The following ALDH1A2 variants were observed in gnomAD, a reference collection of about 807,000 sequenced individuals.
The protein encoded by ALDH1A2 is aldehyde dehydrogenase 1 family member A2.
ALDH1A2 carries 27 observed loss-of-function variants against 60.3 expected under a neutral mutation model. The ratio of observed to expected loss-of-function variants is 0.45; its 90% CI spans 0.33 to 0.62. The LOEUF (loss-of-function observed/expected upper bound fraction) is 0.62. Ranked by LOEUF, ALDH1A2 falls within the 20% of genes least tolerant of loss-of-function variation. The probability of loss-of-function intolerance (pLI) is 0.02; values close to 1 mark genes in which losing one functional copy is unlikely to be tolerated. For missense variants in ALDH1A2, 581 were observed against 643.8 expected, an observed-to-expected ratio of 0.90 and a Z score of 1.06; for synonymous variants, 289 against 232.4, an observed-to-expected ratio of 1.24 and a Z score of -2.21.
intron 1 of ALDH1A2, among the ~76,000 whole-genome samples, chr15:58,054,673 A>C (rs1896852464): frequency 6.6e-6 from 1 of 152,148 alleles, no homozygotes; most frequent in South Asian, 2.1e-4. Context: ...AAAGAATGTA[A>C]AATATATTAT....
At chr15:58,058,024 T>C (rs1010212318) in intron 1 of ALDH1A2, 3 of 1,512,664 alleles carry the variant, frequency 2.0e-6, no homozygotes, top group Non-Finnish European at 2.7e-6. Flanking sequence ...GTTTCAGTTT[T>C]ATTGGGGATT....
intron 7 of ALDH1A2, among the ~76,000 whole-genome samples, chr15:57,972,993 G>A (rs533039488): frequency 6.6e-6 from 1 of 152,224 alleles, no homozygotes; most frequent in African/African-American, 2.4e-5. Context: ...TCTCACTTAG[G>A]AAATAAAAGA....
chr15:57,997,749 C>T (rs1449862638), intron 4 of ALDH1A2, among the ~76,000 whole-genome samples: 1 of 151,906 alleles, frequency 6.6e-6, no homozygotes, highest in African/African-American at 2.4e-5. Flanking sequence ...GAGTTTGACT[C>T]CATAATTGTG....
intron 1 of ALDH1A2, among the ~76,000 whole-genome samples, chr15:58,055,902 G>GA (rs1555406461): frequency 2.0e-5 from 3 of 151,708 alleles, no homozygotes; most frequent in Admixed American, 2.0e-4. Context: ...CAAAAAAAAG[G>GA]TCTTTTAGAA....
chr15:57,994,929 G>A (rs1283579026), intron 5 of ALDH1A2, 149 bp downstream of exon 5: 12 of 780,444 alleles, frequency 1.5e-5, no homozygotes, highest in South Asian at 4.2e-5. Flanking sequence ...CATTTGCAGG[G>A]AGGCTGTTAA....
chr15:58,023,266 T>A (rs751261706), intron 1 of ALDH1A2, among the ~76,000 whole-genome samples: 27 of 152,112 alleles, frequency 1.8e-4, no homozygotes, highest in Admixed American at 1.1e-3. Context: ...TTTGAAATAA[T>A]CCAGTAAAAC....
At chr15:57,981,514 A>G (rs924780483) in intron 7 of ALDH1A2, among the ~76,000 whole-genome samples, 2 of 152,238 alleles carry the variant, frequency 1.3e-5, no homozygotes, top group Admixed American at 1.3e-4. Flanking sequence ...TATGCCAAGC[A>G]ATATGCTTGG....
intron 1 of ALDH1A2, among the ~76,000 whole-genome samples, chr15:58,045,639 C>A (rs1449716485): frequency 6.6e-6 from 1 of 152,048 alleles, no homozygotes; most frequent in African/African-American, 2.4e-5. Context: ...CAAACTAACA[C>A]AAGAACAGAA....
intron 5 of ALDH1A2, 59 bp downstream of exon 5, chr15:57,995,019 G>A: frequency 6.8e-7 from 1 of 1,473,902 alleles, no homozygotes; most frequent in Non-Finnish European, 9.5e-7. Flanking sequence ...TGTTTTATGT[G>A]TCTTTAAGAG....
At chr15:58,013,580 C>T (rs564785657) in intron 3 of ALDH1A2, among the ~76,000 whole-genome samples, 1 of 152,050 alleles carries the variant, frequency 6.6e-6, no homozygotes, top group Non-Finnish European at 1.5e-5. Flanking sequence ...AGTGAAACCC[C>T]GTCTCTACTA....
rs879500544 is a variant in ALDH1A2 at position 58,061,595 on chromosome 15, C to CAAAAAAAAAAAAAAAAAAAAAAAAA, written c.117+3938_117+3939insTTTTTTTTTTTTTTTTTTTTTTTTT. Among the ~76,000 whole-genome samples, 4 of 43,324 alleles carry CAAAAAAAAAAAAAAAAAAAAAAAAA rather than the reference C, an allele frequency of 9.2e-5. 1 individual carries two copies. The highest frequency in any genetic ancestry group is 2.5e-4 in the Admixed American group (1 of 3,964). 28.4% of individuals were successfully genotyped at this position (43,324 alleles called of 152,430 possible). On this transcript the variant is annotated intron_variant, in intron 1 of 12. Coordinates refer to ENST00000249750, the MANE Select transcript of ALDH1A2 (RefSeq NM_003888.4). The stretch of plus-strand genomic sequence containing the variant: ...ATATAAAGATTTAAACTCCTTCCCT[C>CAAAAAAAAAAAAAAAAAAAAAAAAA]AAAAAAAAAAAAAACAAAAAAAAAA...
intron 7 of ALDH1A2, among the ~76,000 whole-genome samples, chr15:57,973,806 G>A (rs1464172868): frequency 3.9e-5 from 6 of 152,212 alleles, no homozygotes; most frequent in Non-Finnish European, 7.3e-5. Flanking sequence ...TCTCTACAGA[G>A]AGAGAAGAAT....
At chr15:58,015,583 T>C (rs1895767972) in intron 1 of ALDH1A2, among the ~76,000 whole-genome samples, 1 of 152,220 alleles carries the variant, frequency 6.6e-6, no homozygotes, top group Admixed American at 6.5e-5. Flanking sequence ...AGATAACTTC[T>C]AGTCACAGGA....
At chr15:58,025,897 G>C (rs775906006) in intron 1 of ALDH1A2, among the ~76,000 whole-genome samples, 7 of 152,126 alleles carry the variant, frequency 4.6e-5, no homozygotes, top group African/African-American at 1.7e-4. Flanking sequence ...AACTCACAGA[G>C]CAAGAACTCA....
In ALDH1A2 at chr15:57,995,060, G is replaced by A; in HGVS notation, c.555+18C>T. 1 of 1,600,920 alleles carries A rather than the reference G, an allele frequency of 6.2e-7. No homozygotes were observed. Among genetic ancestry groups the A allele is most frequent in the South Asian group, 1.1e-5 (1 of 90,762 alleles). ...GGTCAAATGAAAATAAATACGAGGT[G>A]CGAGGAAATACACTCACTGGGATGA... On this transcript the variant is annotated intron_variant, in intron 5 of 12. Coordinates refer to ENST00000249750, the MANE Select transcript of ALDH1A2 (RefSeq NM_003888.4).
At chr15:57,955,350 G>A in intron 12 of ALDH1A2, 81 bp from the exon 13 acceptor site, 1 of 1,443,208 alleles carries the variant, frequency 6.9e-7, no homozygotes. Context: ...CTGGGGAGGT[G>A]CAGTTTATCA....
At chr15:58,039,444 C>A (rs1273246853) in intron 1 of ALDH1A2, among the ~76,000 whole-genome samples, 1 of 151,646 alleles carries the variant, frequency 6.6e-6, no homozygotes, top group Admixed American at 6.6e-5. Flanking sequence ...TGGACAACAC[C>A]CAGAGAGTTC....
chr15:58,021,036 T>C (rs1457582241), intron 1 of ALDH1A2, among the ~76,000 whole-genome samples: 2 of 152,188 alleles, frequency 1.3e-5, no homozygotes, highest in East Asian at 3.8e-4. Context: ...CTATTTTGTT[T>C]AATAGTAGCA....
At position 57,963,900 on chromosome 15, in the gene ALDH1A2, A is replaced by C. The variant is rs774839436; in HGVS notation, c.1071T>G (p.Thr357=). The C allele has an allele frequency of 3.1e-6, 5 of 1,614,158 alleles. No homozygotes were observed. Among genetic ancestry groups the C allele is most frequent in the Non-Finnish European group, 4.2e-6 (5 of 1,180,008 alleles). Residue 357 remains threonine (T), a synonymous_variant, in exon 9 of 13, where the codon ACT becomes ACG. Transcript: ENST00000249750. ...RVVGSPFDPT[T]EQGPQIDKKQ... is the part of the protein sequence containing the mutation. ...ATTTTTCTACCTGGGGACCCTGCTC[A>C]GTGGTGGGGTCAAAGGGACTCCCCA...
Sources: allele counts gnomAD v4.1 joint callset (sites outside exome capture counted in the v4.1 genomes callset), GRCh38; gene constraint gnomAD v4.1.1; transcripts MANE v1.5; gene names NCBI Gene and HGNC (gene_info 2026-07-23, HGNC 2026-07-21).